Variants in DCC observed in about 807,000 individuals in gnomAD.
DCC encodes DCC netrin 1 receptor, also known as netrin receptor DCC.
DCC carries 58 observed loss-of-function variants against 172.5 expected under a neutral mutation model. The observed-to-expected ratio is 0.34, with a 90% CI of 0.27 to 0.42. DCC has a LOEUF of 0.42. Ranked by LOEUF, DCC falls within the 10% of genes least tolerant of loss-of-function variation. The probability of loss-of-function intolerance (pLI) is 1.00; values close to 1 mark genes in which losing one functional copy is unlikely to be tolerated. For missense variants in DCC, 1,740 were observed against 1,791.0 expected, an observed-to-expected ratio of 0.97 and a Z score of 0.51; for synonymous variants, 709 against 644.5, an observed-to-expected ratio of 1.10 and a Z score of -1.52.
At chr18:53,350,003 T>C (rs2057770780) in intron 15 of DCC, among the ~76,000 whole-genome samples, 1 of 152,162 alleles carries the variant, frequency 6.6e-6, no homozygotes. Flanking sequence ...TTATAAAGTA[T>C]AGTGTTCAAC....
intron 14 of DCC, among the ~76,000 whole-genome samples, chr18:53,338,418 A>G (rs536142360): frequency 7.3e-4 from 111 of 152,340 alleles, no homozygotes; most frequent in Admixed American, 2.2e-3. Context: ...CCTGGCCAAG[A>G]TGGTGAAACC....
At chr18:52,458,998 G>A (rs1449699013) in intron 1 of DCC, among the ~76,000 whole-genome samples, 1 of 152,092 alleles carries the variant, frequency 6.6e-6, no homozygotes, top group Non-Finnish European at 1.5e-5. Context: ...CATGTGATTT[G>A]CACACCAATG....
At chr18:52,827,613 A>G (rs887007619) in intron 2 of DCC, among the ~76,000 whole-genome samples, 24 of 152,224 alleles carry the variant, frequency 1.6e-4, no homozygotes, top group African/African-American at 1.2e-4. Context: ...TTCTCTATCA[A>G]TTGGTATTCT....
At chr18:52,470,951 A>G (rs1185277822) in intron 1 of DCC, among the ~76,000 whole-genome samples, 1 of 151,916 alleles carries the variant, frequency 6.6e-6, no homozygotes, top group African/African-American at 2.4e-5. Context: ...AAAAGAAGAA[A>G]CTCCACTAAT....
At chr18:52,785,399 C>CA (rs1401449852) in intron 2 of DCC, among the ~76,000 whole-genome samples, 4 of 152,172 alleles carry the variant, frequency 2.6e-5, no homozygotes, top group African/African-American at 9.6e-5. Flanking sequence ...CAAAGACTCC[C>CA]ATGCCCTTAC....
chr18:52,842,818 C>A (rs1425402086), intron 2 of DCC, among the ~76,000 whole-genome samples: 2 of 152,104 alleles, frequency 1.3e-5, no homozygotes, highest in East Asian at 1.9e-4. Context: ...CTAACAGGGA[C>A]CTGCAACCTA....
intron 7 of DCC, among the ~76,000 whole-genome samples, chr18:53,085,621 T>C (rs2042867438): frequency 6.6e-6 from 1 of 152,114 alleles, no homozygotes; most frequent in Non-Finnish European, 1.5e-5. Context: ...CATTAAAACA[T>C]AGAACATGCT....
chr18:52,516,052 A>T (rs2031630598), intron 1 of DCC, among the ~76,000 whole-genome samples: 1 of 152,122 alleles, frequency 6.6e-6, no homozygotes, highest in Non-Finnish European at 1.5e-5. Flanking sequence ...CCACAATATA[A>T]TGTCACTACA....
At chr18:52,944,191 A>G (rs2040505592) in intron 5 of DCC, among the ~76,000 whole-genome samples, 1 of 152,218 alleles carries the variant, frequency 6.6e-6, no homozygotes, top group Non-Finnish European at 1.5e-5. Flanking sequence ...ATGGAAGAAG[A>G]GACGCTTCCC....
intron 15 of DCC, among the ~76,000 whole-genome samples, chr18:53,349,946 A>G (rs994092271): frequency 1.3e-5 from 2 of 152,224 alleles, no homozygotes; most frequent in South Asian, 4.1e-4. Context: ...ACTTCTGACT[A>G]GTAATTTTAA....
In DCC at chr18:53,526,768, A is replaced by G; in HGVS notation, c.4254+9A>G. On this transcript the variant is annotated intron_variant, in intron 28 of 28. Coordinates refer to ENST00000442544, the MANE Select transcript of DCC (RefSeq NM_005215.4). ...CAGAGGATTCAGCCAATGTAAGGGC[A>G]TCTTTAAAATTCATGCTTCATCAAG... The G allele has an allele frequency of 5.6e-6, 9 of 1,613,222 alleles. No individual in the cohort carries two copies. The highest frequency in any genetic ancestry group is 6.8e-6 in the Non-Finnish European group (8 of 1,179,450).
chr18:52,950,929 C>CA lies in DCC; in HGVS notation c.985+25601dup, dbSNP rs755118442. On this transcript the variant is annotated intron_variant, in intron 5 of 28. Transcript: ENST00000442544. ...TGGGCGACAGAGTGAGACTCCGTCT[C>CA]AAAAAAAAAAAAAAAAAAAAAAAAA... 1.1e-3 allele frequency among the ~76,000 whole-genome samples: 65 copies of CA among 57,424 alleles called. 11 individuals are homozygous for CA. Among genetic ancestry groups the CA allele is most frequent in the Non-Finnish European group, 1.5e-3 (48 of 32,628 alleles). 37.7% of individuals were successfully genotyped at this position (57,424 alleles called of 152,430 possible). A position where few individuals can be genotyped will look rare whatever the true frequency, so the allele number is the denominator to read the frequency against.
intron 1 of DCC, among the ~76,000 whole-genome samples, chr18:52,492,608 A>T (rs2030559914): frequency 1.3e-5 from 2 of 151,914 alleles, no homozygotes; most frequent in Non-Finnish European, 2.9e-5. Context: ...TATAAGAAAA[A>T]TAGGGAAGTG....
At chr18:53,013,540 G>C (rs372954553) in intron 5 of DCC, among the ~76,000 whole-genome samples, 1 of 151,782 alleles carries the variant, frequency 6.6e-6, no homozygotes, top group Admixed American at 6.6e-5. Flanking sequence ...GGGCATTATC[G>C]GGGGGTGGGG....
At chr18:52,926,433 A>G (rs975855107) in intron 5 of DCC, among the ~76,000 whole-genome samples, 1 of 151,816 alleles carries the variant, frequency 6.6e-6, no homozygotes, top group Admixed American at 6.6e-5. Context: ...TAGAGGTAGT[A>G]TTATACTAAC....
intron 1 of DCC, among the ~76,000 whole-genome samples, chr18:52,390,824 T>C (rs1986002307): frequency 6.6e-6 from 1 of 152,102 alleles, no homozygotes. Flanking sequence ...AAGTCAGAAA[T>C]TGTTAGTTGT....
chr18:52,885,729 A>G (rs1405001972), intron 2 of DCC, among the ~76,000 whole-genome samples: 1 of 152,056 alleles, frequency 6.6e-6, no homozygotes, highest in African/African-American at 2.4e-5. Flanking sequence ...AAACAGAAGG[A>G]GTCTTTCATC....
intron 7 of DCC, among the ~76,000 whole-genome samples, chr18:53,100,205 C>A (rs558849640): frequency 6.6e-6 from 1 of 152,090 alleles, no homozygotes; most frequent in South Asian, 2.1e-4. Context: ...ACCTCAGACT[C>A]CCAAACTGCT....
intron 12 of DCC, among the ~76,000 whole-genome samples, chr18:53,235,295 G>T (rs1235271740): frequency 1.3e-5 from 2 of 152,112 alleles, no homozygotes; most frequent in Non-Finnish European, 2.9e-5. Context: ...CTGGATGTGG[G>T]CACAAATTCA....
Sources: allele counts gnomAD v4.1 joint callset (sites outside exome capture counted in the v4.1 genomes callset), GRCh38; gene constraint gnomAD v4.1.1; transcripts MANE v1.5; gene names NCBI Gene and HGNC (gene_info 2026-07-23, HGNC 2026-07-21).